The following FMN1 variants were observed in gnomAD, a reference collection of about 807,000 sequenced individuals.
FMN1 encodes formin 1.
In FMN1, 110 loss-of-function variants were observed where a neutral mutation model predicts 132.4. The ratio of observed to expected loss-of-function variants is 0.83; its 90% CI spans 0.71 to 0.97. The LOEUF is 0.97. Among genes scored for constraint, FMN1 ranks in the 50% least tolerant of loss-of-function variants. The pLI is 0.00. For missense variants in FMN1, 1,792 were observed against 1,705.3 expected, an observed-to-expected ratio of 1.05 and a Z score of -0.90; for synonymous variants, 722 against 651.7, an observed-to-expected ratio of 1.11 and a Z score of -1.64.
At chr15:32,887,753 ATCTG>A (rs979792857) in intron 16 of FMN1, among the ~76,000 whole-genome samples, 57 of 152,314 alleles carry the variant, frequency 3.7e-4, no homozygotes, top group African/African-American at 1.1e-3. Flanking sequence ...AGCTCAGTAA[ATCTG>A]TCTATTACTG....
Position 32,975,126 on chromosome 15 carries a change from G to C in FMN1, c.2224-5649C>G, listed in dbSNP as rs1212963896. ...GCCTGGTGAAAGCCCTGAAAAAAAT[G>C]AAATCAAGCTCAACTGAATCTTCTG... On this transcript the variant is annotated intron_variant, in intron 7 of 20. Transcript: ENST00000616417. 2.0e-5 allele frequency among the ~76,000 whole-genome samples: 3 copies of C among 152,168 alleles called. No homozygotes were observed. In the East Asian group the frequency reaches 5.8e-4, roughly 29 times the overall value.
At chr15:32,911,974 G>A (rs1487783599) in intron 10 of FMN1, among the ~76,000 whole-genome samples, 1 of 152,118 alleles carries the variant, frequency 6.6e-6, no homozygotes, top group African/African-American at 2.4e-5. Context: ...CTAGTGCGTT[G>A]AAAACCAAAA....
At chr15:33,067,867 A>T (rs749476086) in intron 5 of FMN1, 1 of 1,611,184 alleles carries the variant, frequency 6.2e-7, no homozygotes, top group Non-Finnish European at 8.5e-7. Context: ...CATCCAGAGA[A>T]TTATCAACGT....
intron 9 of FMN1, among the ~76,000 whole-genome samples, chr15:32,954,574 G>T (rs528831147): frequency 1.0e-4 from 15 of 150,184 alleles, no homozygotes; most frequent in African/African-American, 1.5e-4. Context: ...GTCAGAATTA[G>T]AAATTATGTT....
At chr15:32,788,760 G>C (rs578061867) in intron 19 of FMN1, among the ~76,000 whole-genome samples, 2 of 152,224 alleles carry the variant, frequency 1.3e-5, no homozygotes, top group Non-Finnish European at 2.9e-5. Context: ...CTAAGGTTTT[G>C]ATTTGAGCTC....
chr15:33,058,986 T>C (rs1197812826), intron 6 of FMN1, among the ~76,000 whole-genome samples: 1 of 152,226 alleles, frequency 6.6e-6, no homozygotes, highest in East Asian at 1.9e-4. Flanking sequence ...GATCACAAAA[T>C]CTATTTCTCC....
At chr15:33,151,926 C>A (rs1034708714) in intron 4 of FMN1, among the ~76,000 whole-genome samples, 1 of 152,278 alleles carries the variant, frequency 6.6e-6, no homozygotes, top group Non-Finnish European at 1.5e-5. Context: ...TAAAGCTCTA[C>A]CCCCTGGATC....
intron 3 of FMN1, among the ~76,000 whole-genome samples, chr15:33,171,172 C>T (rs941355678): frequency 6.6e-6 from 1 of 152,014 alleles, no homozygotes; most frequent in Non-Finnish European, 1.5e-5. Flanking sequence ...AAATTGATAT[C>T]ATGTAAGTAG....
At chr15:33,058,623 G>C (rs2037343813) in intron 6 of FMN1, among the ~76,000 whole-genome samples, 1 of 152,100 alleles carries the variant, frequency 6.6e-6, no homozygotes, top group Admixed American at 6.5e-5. Context: ...ATTCCTATTT[G>C]AGGAATCAAA....
intron 16 of FMN1, among the ~76,000 whole-genome samples, chr15:32,867,161 C>T (rs1415038403): frequency 6.6e-6 from 1 of 152,208 alleles, no homozygotes; most frequent in Non-Finnish European, 1.5e-5. Flanking sequence ...TTCCCATATC[C>T]ACCCTGCCTC....
chr15:33,064,795 G>A (rs1157405076), intron 6 of FMN1, 162 bp downstream of exon 6: 1 of 498,028 alleles, frequency 2.0e-6, no homozygotes, highest in Non-Finnish European at 3.6e-6. Context: ...TTAACAATAA[G>A]TGTGCAAAGG....
At chr15:33,131,051 C>T (rs892122032) in intron 4 of FMN1, among the ~76,000 whole-genome samples, 1 of 152,028 alleles carries the variant, frequency 6.6e-6, no homozygotes, top group Non-Finnish European at 1.5e-5. Context: ...TGTATTAGGC[C>T]GGGTGCGGTG....
Position 33,040,951 on chromosome 15 carries a change from C to A in FMN1, c.2161+24006G>T, listed in dbSNP as rs541148616. On this transcript the variant is annotated intron_variant, in intron 6 of 20. Coordinates refer to ENST00000616417, the MANE Select transcript of FMN1 (RefSeq NM_001277313.2). ...GGTACTTAAAATACAGAAAATGTCT[C>A]CAGTTTCCTTTAGTTCGCCTTATCT... 3.9e-5 allele frequency among the ~76,000 whole-genome samples: 6 copies of A among 152,256 alleles called. No homozygotes were observed. In the South Asian group the frequency reaches 1.2e-3, roughly 32 times the overall value.
rs1269879493 is a variant in FMN1, at chr15:33,153,209, T to C, written c.1706A>G (p.Asp569Gly). 4.6e-6 allele frequency: 7 copies of C among 1,535,854 alleles called. No homozygotes were observed. The highest frequency in any genetic ancestry group is 6.1e-6 in the Non-Finnish European group (7 of 1,146,904). ...TGCAGAGGATGGTGGCTCCAAGGTG[T>C]CAGCAGAGACGCACCCAGAGAAGAC... is the stretch of plus-strand genomic sequence containing the variant. ...SRVFSGCVSA[D>G]TLEPPSSAKV... Residue 569 changes from aspartate to glycine, a missense_variant, in exon 4 of 21, where the codon GAC (aspartate) becomes GGC (glycine). Physicochemically the swap from Asp to Gly is moderately conservative, Grantham distance 94. Transcript: ENST00000616417.
chr15:32,828,264 ACT>A (rs1365182320), intron 17 of FMN1, among the ~76,000 whole-genome samples: 3 of 152,208 alleles, frequency 2.0e-5, no homozygotes, highest in African/African-American at 7.2e-5. Context: ...ACAGAGCAAG[ACT>A]CTGTTTCAAA....
At chr15:33,083,122 T>C (rs1483448296) in intron 5 of FMN1, among the ~76,000 whole-genome samples, 1 of 152,218 alleles carries the variant, frequency 6.6e-6, no homozygotes, top group African/African-American at 2.4e-5. Flanking sequence ...ACTGATATAA[T>C]GAGAAATACA....
intron 17 of FMN1, 119 bp downstream of exon 17, chr15:32,856,896 A>C (rs2059144790): frequency 2.9e-6 from 2 of 687,704 alleles, no homozygotes; most frequent in Non-Finnish European, 5.2e-6. Flanking sequence ...GGGCTAATGA[A>C]ATCACCAGAG....
At chr15:33,101,678 G>A (rs557303321) in intron 4 of FMN1, among the ~76,000 whole-genome samples, 30 of 152,136 alleles carry the variant, frequency 2.0e-4, no homozygotes, top group African/African-American at 6.0e-4. Flanking sequence ...GGCAGCATGA[G>A]ATCTAACAAC....
At chr15:32,857,716 A>G (rs1338937920) in intron 16 of FMN1, among the ~76,000 whole-genome samples, 1 of 152,228 alleles carries the variant, frequency 6.6e-6, no homozygotes, top group Non-Finnish European at 1.5e-5. Context: ...AATTTACTTC[A>G]GATAGACTAT....
Sources: allele counts gnomAD v4.1 joint callset (sites outside exome capture counted in the v4.1 genomes callset), GRCh38; gene constraint gnomAD v4.1.1; transcripts MANE v1.5; gene names NCBI Gene and HGNC (gene_info 2026-07-23, HGNC 2026-07-21).